INPP5A: variants seen among roughly 807,000 people sequenced by gnomAD.
The protein encoded by INPP5A is inositol polyphosphate-5-phosphatase A.
A neutral mutation model predicts 65.2 loss-of-function variants in INPP5A; 14 were observed. The ratio of observed to expected loss-of-function variants is 0.21; its 90% CI spans 0.14 to 0.34. The LOEUF (loss-of-function observed/expected upper bound fraction) is 0.34, where lower values mean the gene tolerates loss of function less well. Among genes scored for constraint, INPP5A ranks in the 10% least tolerant of loss-of-function variants. The pLI is 1.00. For missense variants in INPP5A, 431 were observed against 545.6 expected, an observed-to-expected ratio of 0.79 and a Z score of 2.09; for synonymous variants, 207 against 208.3, an observed-to-expected ratio of 0.99 and a Z score of 0.05.
intron 4 of INPP5A, among the ~76,000 whole-genome samples, chr10:132,665,303 G>T (rs2072788303): frequency 3.3e-5 from 5 of 152,212 alleles, no homozygotes; most frequent in Admixed American, 6.5e-5. Context: ...CCCCCTCTTA[G>T]ATTCACAGAA....
At chr10:132,679,958 G>A (rs1007664277) in intron 4 of INPP5A, among the ~76,000 whole-genome samples, 9 of 152,320 alleles carry the variant, frequency 5.9e-5, no homozygotes, top group Non-Finnish European at 1.2e-4. Context: ...TGTGTACAAA[G>A]TTAACCCAAA....
intron 8 of INPP5A, among the ~76,000 whole-genome samples, chr10:132,710,939 GCA>G (rs1370662139): frequency 3.9e-5 from 6 of 152,162 alleles, no homozygotes; most frequent in African/African-American, 1.4e-4. Flanking sequence ...GCTCTGGGAG[GCA>G]CACTCTGCTC....
chr10:132,615,420 C>A (rs866460937), intron 2 of INPP5A, among the ~76,000 whole-genome samples: 2 of 152,300 alleles, frequency 1.3e-5, no homozygotes, highest in South Asian at 4.1e-4. Context: ...ACTTTTCTGG[C>A]CCACCGAGTT....
chr10:132,647,613 C>T (rs74434981), intron 3 of INPP5A, among the ~76,000 whole-genome samples: 2,249 of 152,286 alleles, frequency 0.015, 32 homozygotes, highest in South Asian at 0.039. Context: ...ATGACGCAGG[C>T]CCGGAGAGGA....
At chr10:132,755,572 G>A (rs1399104184) in intron 11 of INPP5A, among the ~76,000 whole-genome samples, 4 of 151,592 alleles carry the variant, frequency 2.6e-5, no homozygotes, top group African/African-American at 9.7e-5. Flanking sequence ...GAGAGCAGGT[G>A]TGAGCGAGTG....
chr10:132,724,905 G>A (rs1229735207), intron 8 of INPP5A, among the ~76,000 whole-genome samples: 2 of 147,082 alleles, frequency 1.4e-5, no homozygotes, highest in Admixed American at 6.9e-5. Flanking sequence ...AGGAGCACAC[G>A]CCGTATTCAC....
chr10:132,606,383 G>A (rs564918078), intron 1 of INPP5A, among the ~76,000 whole-genome samples: 94 of 152,258 alleles, frequency 6.2e-4, no homozygotes, highest in Middle Eastern at 3.4e-3. Flanking sequence ...TCCTGCTGGG[G>A]CGGTTGCGTG....
intron 8 of INPP5A, among the ~76,000 whole-genome samples, chr10:132,721,378 C>G (rs2134566617): frequency 7.0e-6 from 1 of 142,670 alleles, no homozygotes; most frequent in East Asian, 2.2e-4. Flanking sequence ...AGACAGCTGT[C>G]TTCAGGGTTC....
At position 132,683,462 on chromosome 10, in the gene INPP5A, G is replaced by A. The variant is rs559478758; in HGVS notation, c.307-6930G>A. On this transcript the variant is annotated intron_variant, in intron 4 of 15. Coordinates refer to ENST00000368594, the MANE Select transcript of INPP5A (RefSeq NM_005539.5). ...GCAAGGCTGTTATATATATATGCAC[G>A]CATGTTTAATTCACGTGTACATGTG... Among the ~76,000 whole-genome samples the A allele has an allele frequency of 3.0e-4, 46 of 152,244 alleles. No individual in the cohort carries two copies. The South Asian group carries it at 6.2e-3, about 21-fold the overall frequency.
chr10:132,779,921 T>C (rs1201288304), intron 13 of INPP5A, among the ~76,000 whole-genome samples: 2 of 151,704 alleles, frequency 1.3e-5, no homozygotes, highest in East Asian at 3.8e-4. Context: ...CGCCGTAATT[T>C]GTTTATCTGT....
intron 1 of INPP5A, among the ~76,000 whole-genome samples, chr10:132,593,911 A>C (rs775535675): frequency 2.0e-5 from 3 of 152,222 alleles, no homozygotes; most frequent in South Asian, 4.1e-4. Flanking sequence ...AGGAACTATA[A>C]AGATAATCAT....
intron 9 of INPP5A, among the ~76,000 whole-genome samples, chr10:132,747,489 C>T (rs1057155513): frequency 1.3e-5 from 2 of 152,256 alleles, no homozygotes; most frequent in African/African-American, 2.4e-5. Flanking sequence ...TGGCAAGAGG[C>T]GGGTCGGGCT....
chr10:132,768,592 T>C (rs1846895879), intron 12 of INPP5A, among the ~76,000 whole-genome samples: 1 of 152,174 alleles, frequency 6.6e-6, no homozygotes, highest in South Asian at 2.1e-4. Flanking sequence ...TCTGCCCCTG[T>C]CAGGACACGT....
At chr10:132,654,870 G>C (rs1033102399) in intron 4 of INPP5A, among the ~76,000 whole-genome samples, 6 of 152,258 alleles carry the variant, frequency 3.9e-5, no homozygotes, top group Admixed American at 6.5e-5. Context: ...GGCTTTGAGC[G>C]ACCTGCAGGT....
rs545363679 is a variant in INPP5A at position 132,722,078 on chromosome 10, T to C, written c.648-4743T>C. On this transcript the variant is annotated intron_variant, in intron 8 of 15. Transcript: ENST00000368594. ...GTTTATGATTATTAAGAGAAACTTT[T>C]AAGCGATTAACTAAAATATTCTCAG... Among the ~76,000 whole-genome samples, 43 of 152,332 alleles carry C rather than the reference T, an allele frequency of 2.8e-4. No individual in the cohort carries two copies. In the East Asian group the frequency reaches 7.5e-3, roughly 27 times the overall value.
chr10:132,542,097 C>T (rs994814278), intron 1 of INPP5A, among the ~76,000 whole-genome samples: 1 of 152,258 alleles, frequency 6.6e-6, no homozygotes, highest in Non-Finnish European at 1.5e-5. Flanking sequence ...CCAGCTGTGG[C>T]GTCCCACCCT....
chr10:132,667,913 G>A (rs1221372046), intron 4 of INPP5A, among the ~76,000 whole-genome samples: 2 of 152,138 alleles, frequency 1.3e-5, no homozygotes, highest in East Asian at 1.9e-4. Flanking sequence ...TTATTCATTC[G>A]CCGCCATGCA....
chr10:132,657,900 C>A (rs890189349), intron 4 of INPP5A, among the ~76,000 whole-genome samples: 2 of 152,246 alleles, frequency 1.3e-5, no homozygotes, highest in Non-Finnish European at 2.9e-5. Flanking sequence ...GGGCACCGGG[C>A]CCTTCATGCT....
intron 11 of INPP5A, among the ~76,000 whole-genome samples, chr10:132,754,187 T>C (rs1406890022): frequency 6.6e-6 from 1 of 152,194 alleles, no homozygotes; most frequent in Non-Finnish European, 1.5e-5. Flanking sequence ...GCCGCCATGG[T>C]CCCTGCGCAG....
Sources: allele counts gnomAD v4.1 joint callset (sites outside exome capture counted in the v4.1 genomes callset), GRCh38; gene constraint gnomAD v4.1.1; transcripts MANE v1.5; gene names NCBI Gene and HGNC (gene_info 2026-07-23, HGNC 2026-07-21).